ADAMTSL1: variants seen among roughly 807,000 people sequenced by gnomAD.
ADAMTSL1 encodes ADAMTS like 1, also known as ADAMTS-like protein 1.
A neutral mutation model predicts 201.8 loss-of-function variants in ADAMTSL1; 126 were observed. The observed-to-expected ratio is 0.62, with a 90% CI of 0.54 to 0.72. The LOEUF (loss-of-function observed/expected upper bound fraction) is 0.72. Ranked by LOEUF, ADAMTSL1 falls within the 30% of genes least tolerant of loss-of-function variation. ADAMTSL1 has a pLI of 0.00. For missense variants in ADAMTSL1, 2,679 were observed against 2,277.8 expected (o/e 1.18, Z -3.59); for synonymous variants, 1,121 against 903.4 (o/e 1.24, Z -4.32).
At position 18,777,036 on chromosome 9, in the gene ADAMTSL1, G is replaced by A. The variant is rs779204168; in HGVS notation, c.2807G>A (p.Arg936His). The A allele has an allele frequency of 8.7e-6, 14 of 1,610,426 alleles. No homozygotes were observed. The highest frequency in any genetic ancestry group is 4.4e-5 in the South Asian group (4 of 90,890). ...VAPFGYLKIH[R>H]LKPSDAGVYT... The stretch of plus-strand genomic sequence containing the variant: ...CCCTTCGGCTATCTCAAGATCCACC[G>A]CCTCAAGCCCTCGGATGCAGGCGTC... The change falls in exon 19 of 29, where the codon CGC becomes CAC. Residue 936 changes from arginine (R) to histidine (H), a missense_variant. Physicochemically the swap from Arg to His is conservative, Grantham distance 29. Transcript: ENST00000380548.
At chr9:18,317,310 G>A (rs1002534605) in intron 2 of ADAMTSL1, among the ~76,000 whole-genome samples, 1 of 151,932 alleles carries the variant, frequency 6.6e-6, no homozygotes, top group Non-Finnish European at 1.5e-5. Flanking sequence ...TCTGGGGGTC[G>A]AATGTACAGC....
chr9:18,220,335 A>G (rs562421711), intron 2 of ADAMTSL1, among the ~76,000 whole-genome samples: 15 of 152,290 alleles, frequency 9.8e-5, no homozygotes, highest in Non-Finnish European at 1.9e-4. Flanking sequence ...AACATGATAG[A>G]TAAATGGTGA....
chr9:18,707,836 T>C (rs1832317058), intron 14 of ADAMTSL1, among the ~76,000 whole-genome samples: 1 of 152,248 alleles, frequency 6.6e-6, no homozygotes, highest in African/African-American at 2.4e-5. Flanking sequence ...GAACAGTAGA[T>C]TCAGTGATTC....
Position 18,822,906 on chromosome 9 carries a change from G to C in ADAMTSL1, c.3935-3378G>C, listed in dbSNP as rs952958371. On this transcript the variant is annotated intron_variant, in intron 21 of 28. Coordinates refer to ENST00000380548, the MANE Select transcript of ADAMTSL1 (RefSeq NM_001040272.6). ...TATCACTACCTTTTCAAGGGACTCT[G>C]TGGAACATTCAAGGGCTGGTGACGT... is the stretch of plus-strand genomic sequence containing the variant. Among the ~76,000 whole-genome samples the C allele has an allele frequency of 2.0e-5, 3 of 152,174 alleles. No homozygotes were observed. In the East Asian group the frequency reaches 5.8e-4, roughly 29 times the overall value.
At chr9:18,083,704 AG>A (rs1393249941) in intron 1 of ADAMTSL1, among the ~76,000 whole-genome samples, 2 of 152,304 alleles carry the variant, frequency 1.3e-5, no homozygotes, top group Non-Finnish European at 2.9e-5. Context: ...TGCTATTCAG[AG>A]TTATGTGGAC....
At chr9:17,968,325 C>G (rs1388875985) in intron 1 of ADAMTSL1, among the ~76,000 whole-genome samples, 1 of 152,060 alleles carries the variant, frequency 6.6e-6, no homozygotes, top group East Asian at 1.9e-4. Context: ...CTAAGTGTTA[C>G]AATTTCTAAA....
intron 1 of ADAMTSL1, among the ~76,000 whole-genome samples, chr9:18,137,281 CAG>C (rs1209495626): frequency 6.6e-6 from 1 of 152,080 alleles, no homozygotes; most frequent in Non-Finnish European, 1.5e-5. Flanking sequence ...AGTTTGAAAA[CAG>C]ATGAAAATAT....
chr9:18,139,955 A>T (rs1329319199), intron 1 of ADAMTSL1, among the ~76,000 whole-genome samples: 3 of 152,164 alleles, frequency 2.0e-5, no homozygotes, highest in Admixed American at 2.0e-4. Flanking sequence ...AATTTAGAGG[A>T]TGCTAATGAT....
chr9:18,756,882 A>T (rs1210537983), intron 16 of ADAMTSL1, among the ~76,000 whole-genome samples: 1 of 152,240 alleles, frequency 6.6e-6, no homozygotes, highest in African/African-American at 2.4e-5. Context: ...AACATAAATT[A>T]TGTAAATTGT....
At chr9:18,072,479 A>G (rs1353810095) in intron 1 of ADAMTSL1, among the ~76,000 whole-genome samples, 1 of 152,212 alleles carries the variant, frequency 6.6e-6, no homozygotes, top group Non-Finnish European at 1.5e-5. Flanking sequence ...CTAGTCTTCA[A>G]ACCAACACAG....
intron 2 of ADAMTSL1, among the ~76,000 whole-genome samples, chr9:18,410,973 C>A (rs1818414568): frequency 6.6e-6 from 1 of 150,698 alleles, no homozygotes; most frequent in Admixed American, 6.6e-5. Flanking sequence ...TCCAAAGTAT[C>A]TGGGACTACA....
At chr9:18,639,583 G>T (rs1480656384) in intron 7 of ADAMTSL1, among the ~76,000 whole-genome samples, 172 bp downstream of exon 7, 1 of 151,854 alleles carries the variant, frequency 6.6e-6, no homozygotes, top group Non-Finnish European at 1.5e-5. Context: ...GACCTTATGA[G>T]GACATATGAT....
intron 2 of ADAMTSL1, among the ~76,000 whole-genome samples, chr9:18,270,423 C>A (rs749939481): frequency 5.3e-5 from 8 of 152,132 alleles, no homozygotes; most frequent in Non-Finnish European, 1.0e-4. Context: ...ATCCTAAAAT[C>A]TGCAAAGGCC....
chr9:18,839,178 T>G, intron 23 of ADAMTSL1, among the ~76,000 whole-genome samples: 1 of 85,216 alleles, frequency 1.2e-5, no homozygotes, highest in African/African-American at 4.6e-5. Flanking sequence ...ATGCTATCCC[T>G]CCCCCTCCCC....
Position 18,906,692 on chromosome 9 carries a change from G to A in ADAMTSL1, c.4962G>A (p.Arg1654=), listed in dbSNP as rs201367048. Residue 1654 remains arginine, a splice_region_variant and synonymous_variant, in exon 28 of 29, where the codon AGG becomes AGA. Transcript: ENST00000380548. ...TAACCCTGCCACCATCCTCCTGCAG[G>A]CCTGTGAGCACCCAGAACTGCTGGT... ...LPSEQCSALP[R]PVSTQNCWSE... is the part of the protein sequence containing the mutation. The A allele has an allele frequency of 7.3e-5, 116 of 1,584,744 alleles. 1 individual carries two copies. The South Asian group carries it at 8.2e-4, about 11-fold the overall frequency.
At chr9:18,206,283 C>T (rs1255938897) in intron 2 of ADAMTSL1, among the ~76,000 whole-genome samples, 1 of 151,882 alleles carries the variant, frequency 6.6e-6, no homozygotes, top group Admixed American at 6.6e-5. Flanking sequence ...AGGAATTTGC[C>T]AGGTACACTA....
At chr9:18,763,408 G>C (rs1281808628) in intron 16 of ADAMTSL1, among the ~76,000 whole-genome samples, 2 of 152,146 alleles carry the variant, frequency 1.3e-5, no homozygotes, top group African/African-American at 4.8e-5. Flanking sequence ...TTACTCCCTT[G>C]TCAGGGTAGT....
At chr9:18,868,753 T>C (rs1827698921) in intron 23 of ADAMTSL1, among the ~76,000 whole-genome samples, 1 of 152,218 alleles carries the variant, frequency 6.6e-6, no homozygotes, top group South Asian at 2.1e-4. Flanking sequence ...GGGAGCTCTT[T>C]TTCTGTGTAG....
intron 14 of ADAMTSL1, among the ~76,000 whole-genome samples, chr9:18,711,189 G>T (rs1832566348): frequency 6.6e-6 from 1 of 152,172 alleles, no homozygotes; most frequent in Non-Finnish European, 1.5e-5. Context: ...TATAAACATT[G>T]TTCCTTATGT....
Sources: gnomAD v4.1 joint callset for allele counts (sites outside exome capture counted in the v4.1 genomes callset) on GRCh38, gnomAD v4.1.1 for gene constraint, MANE v1.5 for transcripts, NCBI Gene and HGNC (gene_info 2026-07-23, HGNC 2026-07-21) for gene names.